TAFA2: variants seen among roughly 807,000 people sequenced by gnomAD.
The protein encoded by TAFA2 is chemokine-like protein TAFA-2.
TAFA2 carries 7 observed loss-of-function variants against 18.8 expected under a neutral mutation model. That is an observed-to-expected ratio of 0.37 (90% CI 0.21 to 0.70). The LOEUF is 0.70. Among genes scored for constraint, TAFA2 ranks in the 30% least tolerant of loss-of-function variants. TAFA2 has a pLI of 0.53. For missense variants in TAFA2, 122 were observed against 158.1 expected (o/e 0.77, Z 1.23); for synonymous variants, 60 against 54.2 (o/e 1.11, Z -0.47).
chr12:61,818,372 A>G (rs1872173559), intron 2 of TAFA2, among the ~76,000 whole-genome samples: 2 of 152,000 alleles, frequency 1.3e-5, no homozygotes, highest in African/African-American at 4.8e-5. Context: ...CAGGTCCTCA[A>G]TCTTCTCATC....
At chr12:61,857,358 A>G (rs1205750059) in intron 2 of TAFA2, among the ~76,000 whole-genome samples, 1 of 152,152 alleles carries the variant, frequency 6.6e-6, no homozygotes, top group East Asian at 1.9e-4. Flanking sequence ...TTCTCATTTA[A>G]TAAGGATATT....
At chr12:61,891,300 A>T (rs766109941) in intron 1 of TAFA2, among the ~76,000 whole-genome samples, 7 of 152,188 alleles carry the variant, frequency 4.6e-5, no homozygotes, top group Non-Finnish European at 1.0e-4. Flanking sequence ...AAGCAGAAGC[A>T]GTAGAAGCAG....
chr12:62,140,282 G>T (rs954075665), intron 1 of TAFA2: 5 of 152,190 alleles, frequency 3.3e-5, no homozygotes, highest in African/African-American at 1.2e-4. Flanking sequence ...CTTCTTTAAA[G>T]AATGTTTTGG....
At chr12:62,166,856 G>A (rs1257007043) in intron 1 of TAFA2, among the ~76,000 whole-genome samples, 3 of 152,062 alleles carry the variant, frequency 2.0e-5, no homozygotes, top group Non-Finnish European at 4.4e-5. Context: ...GTCTTCATGT[G>A]CTCCCTGATA....
intron 1 of TAFA2, among the ~76,000 whole-genome samples, chr12:62,137,034 CT>C (rs1324950688): frequency 6.6e-6 from 1 of 152,120 alleles, no homozygotes; most frequent in Non-Finnish European, 1.5e-5. Context: ...GAACCCTCAC[CT>C]TAAACATGGG....
intron 1 of TAFA2, among the ~76,000 whole-genome samples, chr12:62,043,451 C>T (rs348677): frequency 0.25 from 35,273 of 142,692 alleles, 4,160 homozygotes; most frequent in Admixed American, 0.28. Flanking sequence ...CATCACACTC[C>T]GGGGACTGTT....
intron 1 of TAFA2, chr12:61,890,357 T>A (rs1172913259): frequency 6.6e-6 from 1 of 152,186 alleles, no homozygotes; most frequent in Non-Finnish European, 1.5e-5. Flanking sequence ...GAAAAATCAA[T>A]CTTCTTTCTG....
intron 1 of TAFA2, among the ~76,000 whole-genome samples, chr12:61,885,461 C>T (rs1043989283): frequency 6.6e-6 from 1 of 152,148 alleles, no homozygotes; most frequent in African/African-American, 2.4e-5. Flanking sequence ...TCACAGAACC[C>T]TTGACACCAT....
At position 61,709,636 on chromosome 12, in the gene TAFA2, A is replaced by C. The variant is rs1464668353; in HGVS notation, c.*770T>G. The stretch of plus-strand genomic sequence containing the variant: ...CACTTAAAAAAAAACAGAAAGGGAG[A>C]GTGCTCTAGAGGTACAAAGTATTAT... On this transcript the variant is annotated 3_prime_UTR_variant, in exon 5 of 5. Coordinates refer to ENST00000416284, the MANE Select transcript of TAFA2 (RefSeq NM_178539.5). The C allele has an allele frequency of 6.6e-6, 1 of 151,970 alleles. No individual in the cohort carries two copies. The highest frequency in any genetic ancestry group is 1.9e-4 in the East Asian group (1 of 5,180). 9.4% of individuals were successfully genotyped at this position (151,970 alleles called of 1,614,324 possible). A position where few individuals can be genotyped will look rare whatever the true frequency, so the allele number is the denominator to read the frequency against.
rs1018247109 is a variant in TAFA2 at position 61,789,692 on chromosome 12, A to T, written c.107-34668T>A. On this transcript the variant is annotated intron_variant, in intron 2 of 4. Coordinates refer to ENST00000416284, the MANE Select transcript of TAFA2 (RefSeq NM_178539.5). ...GTATCCCAGAACTTAAAGTATAATT[A>T]AAAAAATAAAAATAATTATAGCATC... 8.6e-5 allele frequency among the ~76,000 whole-genome samples: 13 copies of T among 151,968 alleles called. No homozygotes were observed. In the East Asian group the frequency reaches 2.1e-3, roughly 25 times the overall value.
chr12:62,149,165 G>A (rs4965013), intron 1 of TAFA2, among the ~76,000 whole-genome samples: 3,337 of 152,242 alleles, frequency 0.022, 137 homozygotes, highest in East Asian at 0.12. Flanking sequence ...TTCTTGATAT[G>A]AACTCTAGTA....
At chr12:62,185,758 G>C (rs2062581927) in intron 1 of TAFA2, among the ~76,000 whole-genome samples, 1 of 152,132 alleles carries the variant, frequency 6.6e-6, no homozygotes, top group Non-Finnish European at 1.5e-5. Flanking sequence ...ATTCTTGACT[G>C]ATCTGAAAGT....
In TAFA2 at chr12:61,785,359, GTT is replaced by G. The variant is rs1491097015; in HGVS notation, c.107-30337_107-30336del. On this transcript the variant is annotated intron_variant, in intron 2 of 4. Coordinates refer to ENST00000416284, the MANE Select transcript of TAFA2 (RefSeq NM_178539.5). ...TGTGTGTGTGTGTGTGTGTGTGTGT[GTT>G]TGTGTGTGTGTGTCACATTTTCTTT... Among the ~76,000 whole-genome samples, 54 of 143,902 alleles carry G rather than the reference GTT, an allele frequency of 3.8e-4. 1 individual carries two copies. In the East Asian group the frequency reaches 8.8e-3, roughly 23 times the overall value. The allele number at this position is 143,902 out of a possible 152,430, so 94.4% of individuals were successfully genotyped here.
intron 1 of TAFA2, among the ~76,000 whole-genome samples, chr12:62,204,710 T>C (rs1195868036): frequency 6.6e-6 from 1 of 152,180 alleles, no homozygotes; most frequent in African/African-American, 2.4e-5. Flanking sequence ...AACCAGAGAA[T>C]AACCAGTTAT....
chr12:61,930,723 T>C (rs1371039242), intron 1 of TAFA2, among the ~76,000 whole-genome samples: 2 of 152,248 alleles, frequency 1.3e-5, no homozygotes, highest in Non-Finnish European at 2.9e-5. Flanking sequence ...TTCATGTTCC[T>C]CAAGGCCTTG....
intron 1 of TAFA2, among the ~76,000 whole-genome samples, chr12:61,979,090 C>T (rs1375505501): frequency 6.6e-6 from 1 of 152,036 alleles, no homozygotes; most frequent in East Asian, 1.9e-4. Flanking sequence ...TGACATTTGC[C>T]ATTTTTCTGC....
chr12:62,244,453 G>A (rs1000179656), intron 1 of TAFA2, among the ~76,000 whole-genome samples: 1 of 151,974 alleles, frequency 6.6e-6, no homozygotes, highest in African/African-American at 2.4e-5. Context: ...GACCAAATAT[G>A]CAACAGTTTA....
At chr12:62,107,437 A>G (rs1339418784) in intron 1 of TAFA2, among the ~76,000 whole-genome samples, 1 of 152,180 alleles carries the variant, frequency 6.6e-6, no homozygotes, top group African/African-American at 2.4e-5. Flanking sequence ...AATAAAAATA[A>G]AGTAGTGAAC....
intron 1 of TAFA2, among the ~76,000 whole-genome samples, chr12:62,175,128 G>A (rs1160610057): frequency 1.3e-5 from 2 of 152,034 alleles, no homozygotes; most frequent in Non-Finnish European, 2.9e-5. Context: ...TTTCTTAATT[G>A]GATCAATGCT....
Sources: allele counts gnomAD v4.1 joint callset (sites outside exome capture counted in the v4.1 genomes callset), GRCh38; gene constraint gnomAD v4.1.1; transcripts MANE v1.5; gene names NCBI Gene and HGNC (gene_info 2026-07-23, HGNC 2026-07-21).